Variants in MDGA2 observed in about 807,000 individuals in gnomAD.
MDGA2 encodes MAM domain-containing glycosylphosphatidylinositol anchor protein 2.
MDGA2 carries 40 observed loss-of-function variants against 117.8 expected under a neutral mutation model. That is an observed-to-expected ratio of 0.34 (90% CI 0.26 to 0.44). The LOEUF is 0.44. Ranked by LOEUF, MDGA2 falls within the 20% of genes least tolerant of loss-of-function variation. The pLI is 1.00. For missense variants in MDGA2, 1,123 were observed against 1,250.6 expected, an observed-to-expected ratio of 0.90 and a Z score of 1.54; for synonymous variants, 452 against 439.0, an observed-to-expected ratio of 1.03 and a Z score of -0.37.
At chr14:46,991,631 C>G (rs951900957) in intron 8 of MDGA2, among the ~76,000 whole-genome samples, 2 of 152,062 alleles carry the variant, frequency 1.3e-5, no homozygotes, top group African/African-American at 4.8e-5. Context: ...CAACTTACAA[C>G]AATAGTTAAT....
At chr14:47,447,090 T>A (rs1893138851) in intron 1 of MDGA2, among the ~76,000 whole-genome samples, 1 of 152,176 alleles carries the variant, frequency 6.6e-6, no homozygotes. Context: ...GATGAAATAT[T>A]TTCCTATTAC....
At chr14:47,665,482 G>A (rs1258599189) in intron 1 of MDGA2, among the ~76,000 whole-genome samples, 1 of 152,186 alleles carries the variant, frequency 6.6e-6, no homozygotes, top group East Asian at 1.9e-4. Context: ...CCTTCTCCGG[G>A]CTGGCTGAGG....
At chr14:47,598,243 G>C (rs754669643) in intron 1 of MDGA2, among the ~76,000 whole-genome samples, 1 of 152,138 alleles carries the variant, frequency 6.6e-6, no homozygotes, top group East Asian at 1.9e-4. Context: ...AAATATTACA[G>C]CTGCTGTGGA....
intron 1 of MDGA2, among the ~76,000 whole-genome samples, chr14:47,385,560 C>G (rs572959195): frequency 6.6e-6 from 1 of 152,210 alleles, no homozygotes; most frequent in African/African-American, 2.4e-5. Context: ...TATTAGGACA[C>G]TGATAATTAA....
chr14:47,593,483 G>A (rs1896480082), intron 1 of MDGA2, among the ~76,000 whole-genome samples: 2 of 152,128 alleles, frequency 1.3e-5, no homozygotes, highest in South Asian at 4.1e-4. Context: ...GAAACTAAAT[G>A]TCCATCAATG....
intron 1 of MDGA2, among the ~76,000 whole-genome samples, chr14:47,367,937 C>T (rs80044057): frequency 0.25 from 37,331 of 151,916 alleles, 4,707 homozygotes; most frequent in South Asian, 0.37. Flanking sequence ...ATTATTTTTC[C>T]CTAAAAATAT....
At position 46,919,639 on chromosome 14, in the gene MDGA2, T is replaced by A. The variant is rs914004939; in HGVS notation, c.2238+373A>T. Reference sequence around the variant, plus strand: ...TGTACAACTTCTGGCTTCTTAGGAATCAAGACAAATGATTATGCAGTATAG... The same window carrying A: ...TGTACAACTTCTGGCTTCTTAGGAAACAAGACAAATGATTATGCAGTATAG... On this transcript the variant is annotated intron_variant, in intron 10 of 16. Coordinates refer to ENST00000399232, the MANE Select transcript of MDGA2 (RefSeq NM_001113498.3). Among the ~76,000 whole-genome samples the A allele has an allele frequency of 6.6e-5, 10 of 152,328 alleles. No individual in the cohort carries two copies. In the South Asian group the frequency reaches 1.0e-3, roughly 16 times the overall value.
chr14:47,035,192 C>T lies in MDGA2; in HGVS notation c.1638G>A (p.Trp546Ter), dbSNP rs1488861565. 2 of 1,614,146 alleles carry T rather than the reference C, an allele frequency of 1.2e-6. No individual in the cohort carries two copies. Among genetic ancestry groups the T allele is most frequent in the Admixed American group, 1.7e-5 (1 of 60,026 alleles). Reference protein sequence around the residue: ...VTGKPKPIILWSRADKEVAMP... With the variant: ...VTGKPKPIIL ...TTGCAACTTCTTTATCCGCTCTAGA[C>T]CAAAGGATGATTGGTTTAGGTTTGC... The change falls in exon 8 of 17, where the codon TGG becomes TGA. Residue 546 changes from tryptophan (W) to a stop codon, truncating the protein, a stop_gained. Transcript: ENST00000399232. LOFTEE classifies it high-confidence loss of function.
chr14:47,406,929 TA>T (rs1254990176), intron 1 of MDGA2, among the ~76,000 whole-genome samples: 2 of 152,120 alleles, frequency 1.3e-5, no homozygotes, highest in East Asian at 1.9e-4. Flanking sequence ...AATATAGAAA[TA>T]TATACTATGC....
At chr14:47,042,465 C>A (rs1245759797) in intron 7 of MDGA2, among the ~76,000 whole-genome samples, 1 of 151,970 alleles carries the variant, frequency 6.6e-6, no homozygotes, top group Non-Finnish European at 1.5e-5. Context: ...GCAACATCTT[C>A]ATTTCAGAGC....
intron 3 of MDGA2, among the ~76,000 whole-genome samples, chr14:47,177,397 A>C (rs1281620640): frequency 6.6e-6 from 1 of 152,174 alleles, no homozygotes; most frequent in Non-Finnish European, 1.5e-5. Flanking sequence ...ACTTGGAACC[A>C]ACCCAAATGT....
intron 6 of MDGA2, among the ~76,000 whole-genome samples, chr14:47,092,479 G>A (rs1879714057): frequency 6.6e-6 from 1 of 152,092 alleles, no homozygotes; most frequent in Non-Finnish European, 1.5e-5. Context: ...TAAAAGAAGA[G>A]TAAGAAACCA....
At chr14:46,979,042 T>C (rs1886571003) in intron 8 of MDGA2, among the ~76,000 whole-genome samples, 1 of 152,156 alleles carries the variant, frequency 6.6e-6, no homozygotes, top group South Asian at 2.1e-4. Flanking sequence ...TGAGCAAATT[T>C]ATTAGTGCCA....
At chr14:47,619,490 A>G (rs1298780356) in intron 1 of MDGA2, among the ~76,000 whole-genome samples, 1 of 152,342 alleles carries the variant, frequency 6.6e-6, no homozygotes, top group East Asian at 1.9e-4. Flanking sequence ...GGGTGGAAGT[A>G]GCCATGACTC....
At chr14:46,910,952 G>T (rs1174156387) in intron 10 of MDGA2, among the ~76,000 whole-genome samples, 1 of 152,110 alleles carries the variant, frequency 6.6e-6, no homozygotes, top group Non-Finnish European at 1.5e-5. Flanking sequence ...ATGTGAACAC[G>T]TGGACAAATA....
chr14:47,103,302 ATATTTCATTGAAATTCATTTTCAACAGG>A, intron 5 of MDGA2, among the ~76,000 whole-genome samples: 1 of 152,380 alleles, frequency 6.6e-6, no homozygotes, highest in East Asian at 1.9e-4. Context: ...GTACTTTCAT[ATATTTCATTGAAATTCATTTTCAACAGG>A]TATTTCATTG....
intron 6 of MDGA2, among the ~76,000 whole-genome samples, chr14:47,095,451 T>G (rs1351797473): frequency 2.0e-5 from 3 of 151,926 alleles, no homozygotes; most frequent in African/African-American, 7.2e-5. Context: ...AATTAAATTA[T>G]TTTGCTTTTA....
chr14:46,867,102 T>C (rs1334921846), intron 14 of MDGA2, among the ~76,000 whole-genome samples: 1 of 152,180 alleles, frequency 6.6e-6, no homozygotes, highest in Non-Finnish European at 1.5e-5. Flanking sequence ...TGTATGTTTA[T>C]TGTGGCACTT....
chr14:46,872,399 T>A lies in MDGA2; in HGVS notation c.2752+1034A>T, dbSNP rs148843148. On this transcript the variant is annotated intron_variant, in intron 14 of 16. Coordinates refer to ENST00000399232, the MANE Select transcript of MDGA2 (RefSeq NM_001113498.3). ...CTGCGTATTGAAAACATACCTCTTT[T>A]GCATACCAGAGAAATGTTCTTGTTT... Among the ~76,000 whole-genome samples, 338 of 152,086 alleles carry A rather than the reference T, an allele frequency of 2.2e-3. 1 individual carries two copies. Among genetic ancestry groups the A allele is most frequent in the African/African-American group, 7.8e-3 (322 of 41,536 alleles).
Sources: gnomAD v4.1 joint callset for allele counts (sites outside exome capture counted in the v4.1 genomes callset) on GRCh38, gnomAD v4.1.1 for gene constraint, MANE v1.5 for transcripts, NCBI Gene and HGNC (gene_info 2026-07-23, HGNC 2026-07-21) for gene names.